The following LIMS1 variants were observed in gnomAD, a reference collection of about 807,000 sequenced individuals.
LIMS1 encodes LIM zinc finger domain containing 1, also known as LIM and senescent cell antigen-like-containing domain protein 1.
A neutral mutation model predicts 44.1 loss-of-function variants in LIMS1; 18 were observed. The observed-to-expected ratio is 0.41, with a 90% CI of 0.28 to 0.61. The LOEUF (loss-of-function observed/expected upper bound fraction) is 0.61. LIMS1 is among the 20% of genes least tolerant of loss of function. The pLI is 0.32. For synonymous variants in LIMS1, 93 were observed against 149.1 expected (o/e 0.62, Z 2.74); for missense variants, 201 against 422.0 (o/e 0.48, Z 4.59).
chr2:108,577,343 C>T (rs1359372326), intron 1 of LIMS1, among the ~76,000 whole-genome samples: 1 of 152,250 alleles, frequency 6.6e-6, no homozygotes, highest in Non-Finnish European at 1.5e-5. Context: ...CTGCATTTCG[C>T]AGCGCTTTGC....
At chr2:108,639,946 C>T (rs906993895) in intron 1 of LIMS1, among the ~76,000 whole-genome samples, 2 of 152,218 alleles carry the variant, frequency 1.3e-5, no homozygotes, top group Non-Finnish European at 2.9e-5. Flanking sequence ...TCCCAAAGCA[C>T]TTACACATCC....
At chr2:108,592,599 G>A (rs1402643393) in intron 1 of LIMS1, among the ~76,000 whole-genome samples, 1 of 152,090 alleles carries the variant, frequency 6.6e-6, no homozygotes, top group Non-Finnish European at 1.5e-5. Context: ...GCTGTTTATG[G>A]TCTTTCTTGT....
intron 9 of LIMS1, among the ~76,000 whole-genome samples, chr2:108,682,349 A>T (rs1444840152): frequency 1.3e-5 from 2 of 152,084 alleles, no homozygotes; most frequent in African/African-American, 4.8e-5. Flanking sequence ...AATACAAAAA[A>T]ATTAGCCAGG....
chr2:108,591,658 CT>C (rs1332660506), intron 1 of LIMS1, among the ~76,000 whole-genome samples: 1 of 151,956 alleles, frequency 6.6e-6, no homozygotes, highest in Non-Finnish European at 1.5e-5. Context: ...CAGAGTCTCA[CT>C]GTGTTGCCCA....
intron 1 of LIMS1, among the ~76,000 whole-genome samples, chr2:108,617,095 A>G (rs1408223777): frequency 6.6e-6 from 1 of 152,254 alleles, no homozygotes; most frequent in African/African-American, 2.4e-5. Context: ...TTTACGAGCC[A>G]TTAGTACCTA....
At chr2:108,643,081 G>T (rs1689818435) in intron 1 of LIMS1, among the ~76,000 whole-genome samples, 2 of 152,318 alleles carry the variant, frequency 1.3e-5, no homozygotes, top group East Asian at 3.8e-4. Context: ...AAATCACTCT[G>T]CTCTGGGTGG....
rs1687013537 is a variant in LIMS1 at position 108,601,498 on chromosome 2, T to C, written c.33-58107T>C. Among the ~76,000 whole-genome samples, 3 of 152,300 alleles carry C rather than the reference T, an allele frequency of 2.0e-5. No homozygotes were observed. The South Asian group carries it at 6.2e-4, about 32-fold the overall frequency. On this transcript the variant is annotated intron_variant, in intron 1 of 9. Transcript: ENST00000544547. ...GTCACAACTTGTTTTTGCGATTGTCTATTGTTTTTTAATAACTAACGTGTA... is the reference window on the plus strand; with the variant it reads ...GTCACAACTTGTTTTTGCGATTGTCCATTGTTTTTTAATAACTAACGTGTA...
At chr2:108,569,606 G>A (rs1685412485) in intron 1 of LIMS1, among the ~76,000 whole-genome samples, 2 of 152,072 alleles carry the variant, frequency 1.3e-5, no homozygotes, top group African/African-American at 4.8e-5. Flanking sequence ...TTTGTTGTTT[G>A]TTGTTTTTGA....
chr2:108,601,846 A>G (rs1290131152), intron 1 of LIMS1, among the ~76,000 whole-genome samples: 2 of 152,198 alleles, frequency 1.3e-5, no homozygotes, highest in East Asian at 1.9e-4. Flanking sequence ...TCTGTGAAGA[A>G]TGTCATTGGT....
At chr2:108,560,047 C>A (rs1685061091) in intron 1 of LIMS1, among the ~76,000 whole-genome samples, 1 of 152,112 alleles carries the variant, frequency 6.6e-6, no homozygotes, top group Non-Finnish European at 1.5e-5. Context: ...GAATGCCTTC[C>A]TGGTGCCTTT....
intron 1 of LIMS1, among the ~76,000 whole-genome samples, chr2:108,597,033 C>T (rs1186684594): frequency 2.7e-5 from 4 of 148,762 alleles, no homozygotes; most frequent in Non-Finnish European, 4.4e-5. Flanking sequence ...CTCAGCCTCC[C>T]GAGAAGCTGG....
chr2:108,566,348 C>G (rs1685288514), intron 1 of LIMS1, among the ~76,000 whole-genome samples: 1 of 152,176 alleles, frequency 6.6e-6, no homozygotes, highest in South Asian at 2.1e-4. Flanking sequence ...ATTAAGGAAT[C>G]CAGCTGTGAG....
At chr2:108,614,491 GC>G (rs1305439973) in intron 1 of LIMS1, among the ~76,000 whole-genome samples, 5 of 152,116 alleles carry the variant, frequency 3.3e-5, no homozygotes, top group Non-Finnish European at 5.9e-5. Flanking sequence ...ACATTTTTAT[GC>G]CAAATACATG....
At chr2:108,612,009 T>TATATTATATATACACACAA (rs1558809162) in intron 1 of LIMS1, among the ~76,000 whole-genome samples, 2 of 132,426 alleles carry the variant, frequency 1.5e-5, no homozygotes, top group Non-Finnish European at 3.1e-5. Context: ...TATACACACA[T>TATATTATATATACACACAA]ATATATATAC....
intron 2 of LIMS1, chr2:108,662,485 A>G (rs140969317): frequency 0.014 from 18,573 of 1,358,732 alleles, 133 homozygotes; most frequent in African/African-American, 0.034. Flanking sequence ...GAACTAGGCT[A>G]TTCATGGGCT....
At chr2:108,576,211 A>G (rs1166444453) in intron 1 of LIMS1, among the ~76,000 whole-genome samples, 2 of 152,204 alleles carry the variant, frequency 1.3e-5, no homozygotes, top group Non-Finnish European at 2.9e-5. Flanking sequence ...TGCAAAAGGA[A>G]TAGAATAGAA....
At chr2:108,538,817 G>T (rs1368078059) in intron 1 of LIMS1, among the ~76,000 whole-genome samples, 1 of 152,126 alleles carries the variant, frequency 6.6e-6, no homozygotes, top group South Asian at 2.1e-4. Context: ...TTCCTTCCAA[G>T]AACTTTTTCA....
chr2:108,590,007 C>T (rs1196015927), intron 1 of LIMS1, among the ~76,000 whole-genome samples: 2 of 152,144 alleles, frequency 1.3e-5, no homozygotes, highest in Admixed American at 6.6e-5. Flanking sequence ...CAGCAGGCCA[C>T]TCTTAAAGGA....
chr2:108,671,089 C>G (rs2433825), intron 3 of LIMS1: 5 of 476,696 alleles, frequency 1.0e-5, no homozygotes, highest in African/African-American at 7.8e-5. Context: ...GAGAATCGCT[C>G]GAACCCAGGG....
Sources: allele counts gnomAD v4.1 joint callset (sites outside exome capture counted in the v4.1 genomes callset), GRCh38; gene constraint gnomAD v4.1.1; transcripts MANE v1.5; gene names NCBI Gene and HGNC (gene_info 2026-07-23, HGNC 2026-07-21).